The following SPDEF variants were observed in gnomAD, a reference collection of about 807,000 sequenced individuals.
The protein encoded by SPDEF is SAM pointed domain containing ETS transcription factor.
A neutral mutation model predicts 36.0 loss-of-function variants in SPDEF; 12 were observed. That is an observed-to-expected ratio of 0.33 (90% confidence interval 0.21 to 0.54). The LOEUF (loss-of-function observed/expected upper bound fraction) is 0.54, where lower values mean the gene tolerates loss of function less well. Ranked by LOEUF, SPDEF falls within the 20% of genes least tolerant of loss-of-function variation. The pLI, the probability that SPDEF is intolerant of heterozygous loss-of-function variation, is 0.93. For missense variants in SPDEF, 388 were observed against 456.9 expected (o/e 0.85, Z 1.37); for synonymous variants, 205 against 193.0 (o/e 1.06, Z -0.51).
Position 34,538,199 on chromosome 6 carries a change from T to C in SPDEF, c.*75A>G. 6.7e-7 allele frequency: 1 copy of C among 1,498,250 alleles called. No individual in the cohort carries two copies. Among genetic ancestry groups the C allele is most frequent in the African/African-American group, 1.4e-5 (1 of 72,378 alleles). The allele number at this position is 1,498,250 out of a possible 1,614,324, so 92.8% of individuals were successfully genotyped here. ...AGAGCAGACTGCCCGTTTTCCCCCATCTCAGGGCCTGGCTGAGGCAGGGCA... is the reference window on the plus strand; with the variant it reads ...AGAGCAGACTGCCCGTTTTCCCCCACCTCAGGGCCTGGCTGAGGCAGGGCA... On this transcript the variant is annotated 3_prime_UTR_variant, in exon 6 of 6. Coordinates refer to ENST00000374037, the MANE Select transcript of SPDEF (RefSeq NM_012391.3). The surrounding 1 kb of genome is among the most constrained non-coding windows in gnomAD (Gnocchi z 5.9).
Position 34,539,677 on chromosome 6 carries a change from C to G in SPDEF, c.635-115G>C. ...GAGCCCCTCTGTGGCTGGGGGTTGC[C>G]CCTGTGGCTCCCTGCCTCCTGCCAA... On this transcript the variant is annotated intron_variant, in intron 3 of 5. Transcript: ENST00000374037. The surrounding 1 kb of genome is among the most constrained non-coding windows in gnomAD (Gnocchi z 5.2). The G allele has an allele frequency of 8.5e-7, 1 of 1,172,948 alleles. No homozygotes were observed. The allele number at this position is 1,172,948 out of a possible 1,614,324, so 72.7% of individuals were successfully genotyped here.
At chr6:34,551,505 T>C (rs55638624) in intron 1 of SPDEF, among the ~76,000 whole-genome samples, 4,915 of 152,266 alleles carry the variant, frequency 0.032, 221 homozygotes, top group African/African-American at 0.11. Flanking sequence ...GAGGACTTTG[T>C]TAGCCCTGGC....
intron 1 of SPDEF, among the ~76,000 whole-genome samples, chr6:34,548,469 C>T (rs1044877475): frequency 6.6e-6 from 1 of 152,192 alleles, no homozygotes; most frequent in African/African-American, 2.4e-5. Flanking sequence ...CTCCCCATTG[C>T]CCCATCCCAG....
chr6:34,553,724 C>A (rs529357690), intron 1 of SPDEF, among the ~76,000 whole-genome samples: 1 of 151,570 alleles, frequency 6.6e-6, no homozygotes, highest in African/African-American at 2.4e-5. Context: ...AAGGAAGAAG[C>A]GGAAGGTGAT....
chr6:34,554,112 A>C (rs1396353685), intron 1 of SPDEF, among the ~76,000 whole-genome samples: 2 of 152,178 alleles, frequency 1.3e-5, no homozygotes, highest in Non-Finnish European at 2.9e-5. Context: ...ACGGTCCCAC[A>C]TGGCGGGACC....
Position 34,539,528 on chromosome 6 carries a change from C to T in SPDEF, c.669G>A (p.Ala223=), listed in dbSNP as rs374584207. ...TGCCTGGCTCACCACAGTAGTGAAT[C>T]GCCCCAGGTGAAGTCCGCTCTTTCA... ...AWMKERTSPG[A]IHYCASTSEE... The change falls in exon 4 of 6, where the codon GCG becomes GCA. Residue 223 remains alanine, a synonymous_variant. Coordinates refer to ENST00000374037, the MANE Select transcript of SPDEF (RefSeq NM_012391.3). This position sits in a 1 kb window ranked among gnomAD's most constrained non-coding sequence, Gnocchi z 5.2. The T allele has an allele frequency of 2.6e-4, 408 of 1,575,188 alleles. No individual in the cohort carries two copies. The highest frequency in any genetic ancestry group is 3.2e-4 in the Non-Finnish European group (370 of 1,161,114).
Position 34,541,730 on chromosome 6 carries a change from C to CT in SPDEF, c.437-550dup, listed in dbSNP as rs1203889777. 2.0e-5 allele frequency among the ~76,000 whole-genome samples: 3 copies of CT among 152,368 alleles called. No homozygotes were observed. In the East Asian group the frequency reaches 5.8e-4, roughly 29 times the overall value. ...TAAAGGGCTAGACGCACAGGAGCTG[C>CT]TCCAGGCACATGTGTTGAATAAGTA... is the stretch of plus-strand genomic sequence containing the variant. On this transcript the variant is annotated intron_variant, in intron 2 of 5. Transcript: ENST00000374037.
rs1414369776 is a variant in SPDEF at position 34,541,078 on chromosome 6, G to A, written c.540C>T (p.Gly180=). 1 of 1,611,812 alleles carries A rather than the reference G, an allele frequency of 6.2e-7. No individual in the cohort carries two copies. Among genetic ancestry groups the A allele is most frequent in the Non-Finnish European group, 8.5e-7 (1 of 1,179,424 alleles). Reference sequence around the variant, plus strand: ...CCTCCGACATGGCGCACAGCTCCTTGCCCGCCAGCTCCTGGAAGGCCTTGC... The same window carrying A: ...CCTCCGACATGGCGCACAGCTCCTTACCCGCCAGCTCCTGGAAGGCCTTGC... ...PMGKAFQELA[G]KELCAMSEEQ... is the part of the protein sequence containing the mutation. The change falls in exon 3 of 6, where the codon GGC becomes GGT. Residue 180 remains glycine (G), a synonymous_variant. Coordinates refer to ENST00000374037, the MANE Select transcript of SPDEF (RefSeq NM_012391.3).
At chr6:34,545,962 C>G (rs373212256) in intron 1 of SPDEF, among the ~76,000 whole-genome samples, 1 of 152,166 alleles carries the variant, frequency 6.6e-6, no homozygotes, top group East Asian at 1.9e-4. Flanking sequence ...TACGTCAAGC[C>G]AGAGGCAGAA....
Position 34,552,940 on chromosome 6 carries a change from C to T in SPDEF, c.-30+2989G>A, listed in dbSNP as rs935413104. The stretch of plus-strand genomic sequence containing the variant: ...TCCCAGCAGCCCTCAAAGCAACTTG[C>T]TACCCCAGGAGCAGAGAGGCCTGGG... On this transcript the variant is annotated intron_variant, in intron 1 of 5. Transcript: ENST00000374037. The surrounding 1 kb of genome is among the most constrained non-coding windows in gnomAD (Gnocchi z 4.6). Among the ~76,000 whole-genome samples the T allele has an allele frequency of 1.3e-5, 2 of 152,166 alleles. No individual in the cohort carries two copies. Among genetic ancestry groups the T allele is most frequent in the African/African-American group, 2.4e-5 (1 of 41,434 alleles).
At chr6:34,554,107 C>A (rs980604359) in intron 1 of SPDEF, among the ~76,000 whole-genome samples, 30 of 152,194 alleles carry the variant, frequency 2.0e-4, no homozygotes, top group African/African-American at 6.3e-4. Context: ...CGCCCACGGT[C>A]CCACATGGCG....
chr6:34,550,959 C>T (rs1033190263), intron 1 of SPDEF, among the ~76,000 whole-genome samples: 1 of 152,246 alleles, frequency 6.6e-6, no homozygotes, highest in Non-Finnish European at 1.5e-5. Context: ...ACTGGCACTA[C>T]TTCCAGCGCT....
rs1767735476 is a variant in SPDEF at position 34,538,229 on chromosome 6, G to T, written c.*45C>A. On this transcript the variant is annotated 3_prime_UTR_variant, in exon 6 of 6. Transcript: ENST00000374037. This position sits in a 1 kb window ranked among gnomAD's most constrained non-coding sequence, Gnocchi z 5.9. The stretch of plus-strand genomic sequence containing the variant: ...GGGCCTGGCTGAGGCAGGGCAGGCA[G>T]GAGAGAGGCCCCTGAGGGCGGGTTT... The T allele has an allele frequency of 6.3e-7, 1 of 1,584,954 alleles. No homozygotes were observed. Among genetic ancestry groups the T allele is most frequent in the Non-Finnish European group, 8.6e-7 (1 of 1,160,606 alleles).
chr6:34,545,411 G>A (rs146154566), intron 1 of SPDEF, among the ~76,000 whole-genome samples: 1,725 of 152,340 alleles, frequency 0.011, 46 homozygotes, highest in East Asian at 0.096. Context: ...AAGGCCCTCC[G>A]GGGGAACCAT....
intron 3 of SPDEF, 113 bp downstream of exon 3, chr6:34,540,871 G>A: frequency 2.1e-6 from 2 of 951,086 alleles, no homozygotes; most frequent in Non-Finnish European, 1.6e-6. Context: ...TCAGAGTGGA[G>A]TCCAGTTGGG....
intron 3 of SPDEF, 33 bp downstream of exon 3, chr6:34,540,951 G>T: frequency 1.3e-6 from 2 of 1,591,984 alleles, no homozygotes; most frequent in Non-Finnish European, 1.7e-6. Context: ...TTGGAGCCTG[G>T]GAGGGGCTGC....
At chr6:34,540,655 C>A (rs569083192) in intron 3 of SPDEF, among the ~76,000 whole-genome samples, 1 of 152,152 alleles carries the variant, frequency 6.6e-6, no homozygotes, top group East Asian at 1.9e-4. Flanking sequence ...CAAAGAAAAA[C>A]AAACAAAATT....
intron 1 of SPDEF, among the ~76,000 whole-genome samples, chr6:34,548,753 C>G (rs984762703): frequency 5.9e-5 from 9 of 152,232 alleles, no homozygotes; most frequent in African/African-American, 2.2e-4. Context: ...TCCTTCTCAT[C>G]ACAATTCATC....
At chr6:34,543,963 G>A (rs1337297363) in intron 2 of SPDEF, 57 bp downstream of exon 2, 24 of 1,555,100 alleles carry the variant, frequency 1.5e-5, no homozygotes, top group African/African-American at 2.8e-5. Flanking sequence ...CCACCCCAGC[G>A]ACCTCAGCCT....
Sources: gnomAD v4.1 joint callset for allele counts (sites outside exome capture counted in the v4.1 genomes callset) on GRCh38, gnomAD v4.1.1 for gene constraint, Gnocchi (gnomAD v3.1) non-coding constraint, MANE v1.5 for transcripts, NCBI Gene and HGNC (gene_info 2026-07-23, HGNC 2026-07-21) for gene names.